RPRD1A: variants seen among roughly 807,000 people sequenced by gnomAD.
RPRD1A encodes regulation of nuclear pre-mRNA domain containing 1A.
In RPRD1A, 9 loss-of-function variants were observed where a neutral mutation model predicts 37.8. The observed-to-expected ratio is 0.24, with a 90% CI of 0.14 to 0.42. RPRD1A has a LOEUF of 0.42. RPRD1A is among the 10% of genes least tolerant of loss of function. RPRD1A has a pLI of 1.00. For missense variants in RPRD1A, 255 were observed against 371.0 expected (o/e 0.69, Z 2.57); for synonymous variants, 138 against 139.7 (o/e 0.99, Z 0.08).
intron 1 of RPRD1A, among the ~76,000 whole-genome samples, chr18:36,049,913 C>T (rs1913253400): frequency 6.6e-6 from 1 of 152,138 alleles, no homozygotes; most frequent in Non-Finnish European, 1.5e-5. Context: ...ATAGCAGCTG[C>T]ACCATTTTAT....
chr18:36,041,305 T>C (rs1372059680), intron 1 of RPRD1A, among the ~76,000 whole-genome samples: 1 of 152,196 alleles, frequency 6.6e-6, no homozygotes, highest in African/African-American at 2.4e-5. Flanking sequence ...CCTAAACTTA[T>C]CTTCCATCTT....
chr18:36,033,725 A>G lies in RPRD1A; in HGVS notation c.264T>C (p.Ala88=). ...GATCATACCTTGAAACATGCTTAAAAGCCTCCACTATAACTGGTGCAAAAT... is the reference window on the plus strand; with the variant it reads ...GATCATACCTTGAAACATGCTTAAAGGCCTCCACTATAACTGGTGCAAAAT... ...TKDFAPVIVE[A]FKHVSSETDE... is the part of the protein sequence containing the mutation. The change falls in exon 2 of 7, where the codon GCT becomes GCC. Residue 88 remains alanine, a synonymous_variant. Transcript: ENST00000399022. The G allele has an allele frequency of 6.2e-7, 1 of 1,611,890 alleles. No individual in the cohort carries two copies. The highest frequency in any genetic ancestry group is 8.5e-7 in the Non-Finnish European group (1 of 1,178,758).
chr18:36,057,254 A>C (rs534621871), intron 1 of RPRD1A, among the ~76,000 whole-genome samples: 117 of 148,076 alleles, frequency 7.9e-4, no homozygotes, highest in Non-Finnish European at 1.3e-3. Flanking sequence ...ATATATATAT[A>C]TCACACACAC....
chr18:36,004,674 C>T (rs1400291425), intron 6 of RPRD1A, among the ~76,000 whole-genome samples: 1 of 152,102 alleles, frequency 6.6e-6, no homozygotes, highest in African/African-American at 2.4e-5. Context: ...AAAAAAGTTC[C>T]ACTCTTATTT....
rs578212379 is a variant in RPRD1A, at chr18:36,029,225, C to T, written c.486+1583G>A. On this transcript the variant is annotated intron_variant, in intron 4 of 6. Transcript: ENST00000399022. ...TCCTTCTGCTTCTCCAGTACTGAGA[C>T]TAATATAAATCCACAGTTACAGGTA... 3.9e-4 allele frequency among the ~76,000 whole-genome samples: 59 copies of T among 152,250 alleles called. 1 individual carries two copies. The highest frequency in any genetic ancestry group is 1.1e-3 in the Admixed American group (17 of 15,286).
chr18:36,053,650 T>C (rs547862799), intron 1 of RPRD1A, among the ~76,000 whole-genome samples: 4 of 152,216 alleles, frequency 2.6e-5, no homozygotes, highest in Non-Finnish European at 4.4e-5. Context: ...TTTGTTTGAA[T>C]ATTTGTTTTC....
chr18:35,998,465 C>T (rs1242920952), intron 6 of RPRD1A, among the ~76,000 whole-genome samples: 5 of 152,102 alleles, frequency 3.3e-5, no homozygotes, highest in Non-Finnish European at 7.3e-5. Context: ...CTCTGTTGAC[C>T]GAAGCCACTT....
chr18:36,042,187 C>A (rs764903440), intron 1 of RPRD1A, among the ~76,000 whole-genome samples: 1 of 152,204 alleles, frequency 6.6e-6, no homozygotes, highest in Non-Finnish European at 1.5e-5. Flanking sequence ...ATGGGTTCCT[C>A]CAGTTTTCCC....
chr18:36,041,611 A>C (rs535774434), intron 1 of RPRD1A, among the ~76,000 whole-genome samples: 1 of 152,344 alleles, frequency 6.6e-6, no homozygotes, highest in Non-Finnish European at 1.5e-5. Flanking sequence ...TGCTGTGCAG[A>C]CTTGTATCCT....
At position 36,008,577 on chromosome 18, in the gene RPRD1A, G is replaced by GTGTGTGTATGTATATATATATATATATA; in HGVS notation, c.790-15278_790-15277insTATATATATATATATATACATACACACA. 1.2e-3 allele frequency among the ~76,000 whole-genome samples: 57 copies of GTGTGTGTATGTATATATATATATATATA among 47,792 alleles called. 4 individuals carry two copies. Among genetic ancestry groups the GTGTGTGTATGTATATATATATATATATA allele is most frequent in the African/African-American group, 3.4e-3 (50 of 14,812 alleles). The allele number at this position is 47,792 out of a possible 152,430, so 31.4% of individuals were successfully genotyped here. On this transcript the variant is annotated intron_variant, in intron 6 of 6. Coordinates refer to ENST00000399022, the MANE Select transcript of RPRD1A (RefSeq NM_018170.5). ...GGCGACACAGCAAGACCTTGTGTGT[G>GTGTGTGTATGTATATATATATATATATA]TATATATATATATCTTTAAAAATCT...
intron 6 of RPRD1A, among the ~76,000 whole-genome samples, chr18:35,995,853 T>C (rs572408233): frequency 6.6e-6 from 1 of 152,330 alleles, no homozygotes; most frequent in African/African-American, 2.4e-5. Flanking sequence ...GAAAATGGCA[T>C]TCTCCCTCTA....
At chr18:36,043,317 T>G (rs1481938660) in intron 1 of RPRD1A, among the ~76,000 whole-genome samples, 1 of 151,860 alleles carries the variant, frequency 6.6e-6, no homozygotes, top group Admixed American at 6.6e-5. Context: ...AGCATAGTGC[T>G]GGCCTGGTAC....
intron 4 of RPRD1A, 82 bp from the exon 5 acceptor site, chr18:36,027,392 C>T (rs1911447004): frequency 1.4e-6 from 2 of 1,461,062 alleles, no homozygotes; most frequent in Non-Finnish European, 1.9e-6. Context: ...TCTTTCATCC[C>T]TATGGGCTAT....
intron 1 of RPRD1A, chr18:36,063,184 T>G (rs879578427): frequency 7.2e-5 from 11 of 152,312 alleles, no homozygotes; most frequent in East Asian, 1.9e-4. Flanking sequence ...TCTTATATTT[T>G]TTTGTTTGTT....
At chr18:36,043,738 G>A (rs920931859) in intron 1 of RPRD1A, among the ~76,000 whole-genome samples, 2 of 152,078 alleles carry the variant, frequency 1.3e-5, no homozygotes, top group Non-Finnish European at 2.9e-5. Context: ...TATGACCTGA[G>A]CACTGTTCTA....
At chr18:36,062,646 G>GT (rs1314378326) in intron 1 of RPRD1A, among the ~76,000 whole-genome samples, 4 of 152,258 alleles carry the variant, frequency 2.6e-5, no homozygotes, top group Middle Eastern at 3.4e-3. Flanking sequence ...TAATTAACAT[G>GT]TTTTCCAGGC....
At position 36,016,753 on chromosome 18, in the gene RPRD1A, C is replaced by T. The variant is rs75910286; in HGVS notation, c.789+10147G>A. 3.0e-4 allele frequency among the ~76,000 whole-genome samples: 46 copies of T among 152,196 alleles called. 1 individual carries two copies. In the East Asian group the frequency reaches 8.9e-3, roughly 29 times the overall value. On this transcript the variant is annotated intron_variant, in intron 6 of 6. Transcript: ENST00000399022. ...AGCAAGGAACTGGAAGAAATATAAA[C>T]GCTAAACAGTTAGCTGGCTAAACAA...
chr18:36,051,410 T>A (rs568612959), intron 1 of RPRD1A, among the ~76,000 whole-genome samples: 2 of 152,176 alleles, frequency 1.3e-5, no homozygotes, highest in South Asian at 2.1e-4. Flanking sequence ...CTAAAAAGGC[T>A]GGAAATTTTT....
intron 6 of RPRD1A, among the ~76,000 whole-genome samples, chr18:36,015,862 T>C (rs1258278411): frequency 1.3e-5 from 2 of 152,218 alleles, no homozygotes; most frequent in African/African-American, 4.8e-5. Context: ...TTCTGCAATA[T>C]GAAGAGTTCT....
Sources: gnomAD v4.1 joint callset for allele counts (sites outside exome capture counted in the v4.1 genomes callset) on GRCh38, gnomAD v4.1.1 for gene constraint, MANE v1.5 for transcripts, NCBI Gene and HGNC (gene_info 2026-07-23, HGNC 2026-07-21) for gene names.